Variants in NLRP8 observed in about 807,000 individuals in gnomAD.
NLRP8 encodes NLR family pyrin domain containing 8.
A neutral mutation model predicts 88.7 loss-of-function variants in NLRP8; 86 were observed. The ratio of observed to expected loss-of-function variants is 0.97; its 90% CI spans 0.81 to 1.16. The LOEUF (loss-of-function observed/expected upper bound fraction) is 1.16, where lower values mean the gene tolerates loss of function less well. Ranked by LOEUF, NLRP8 falls within the 50% of genes most tolerant of loss-of-function variation. NLRP8 has a pLI of 0.00. For synonymous variants in NLRP8, 504 were observed against 494.6 expected (o/e 1.02, Z -0.25); for missense variants, 1,342 against 1,286.5 (o/e 1.04, Z -0.66).
At position 55,955,768 on chromosome 19, in the gene NLRP8, C is replaced by T. The variant is rs764544002; in HGVS notation, c.1710C>T (p.Ala570=). ...TTCTGAACGAGGCCTGCGCTTCGGC[C>T]GTGGAACAGTCATTCCAATGCAAGG... is the stretch of plus-strand genomic sequence containing the variant. The change falls in exon 3 of 10, where the codon GCC becomes GCT. Residue 570 remains alanine, a synonymous_variant. Transcript: ENST00000291971. 5.1e-5 allele frequency: 83 copies of T among 1,614,028 alleles called. No homozygotes were observed. The highest frequency in any genetic ancestry group is 2.2e-4 in the South Asian group (20 of 91,082).
chr19:55,987,243 G>T (rs2123239523), intron 9 of NLRP8, among the ~76,000 whole-genome samples: 1 of 152,324 alleles, frequency 6.6e-6, no homozygotes, highest in Non-Finnish European at 1.5e-5. Flanking sequence ...GGTGGCATGT[G>T]CCTATAATCC....
chr19:55,973,716 A>T lies in NLRP8; in HGVS notation c.2599A>T (p.Lys867Ter), dbSNP rs770696736. ...CCTTGCCTCCTGTCTCAGGCAGAGT[A>T]AGATGCTGACCCACCTGAGCTTGGC... Residue 867 changes from lysine to a stop codon, truncating the protein, a stop_gained, in exon 7 of 10, where the codon AAG (lysine) becomes TAG (stop). Transcript: ENST00000291971. LOFTEE classifies it high-confidence loss of function. The T allele has an allele frequency of 1.2e-6, 2 of 1,614,040 alleles. No individual in the cohort carries two copies. Among genetic ancestry groups the T allele is most frequent in the Non-Finnish European group, 1.7e-6 (2 of 1,179,942 alleles).
intron 2 of NLRP8, among the ~76,000 whole-genome samples, chr19:55,952,973 C>G (rs1979164128): frequency 6.6e-6 from 1 of 152,048 alleles, no homozygotes; most frequent in Non-Finnish European, 1.5e-5. Flanking sequence ...GCTCAGCGGT[C>G]CCCAACCCCC....
In NLRP8 at chr19:55,979,321, C is replaced by T. The variant is rs186059617; in HGVS notation, c.2877-73C>T. 30 of 1,532,546 alleles carry T rather than the reference C, an allele frequency of 2.0e-5. 1 individual carries two copies. The highest frequency in any genetic ancestry group is 9.3e-5 in the South Asian group (8 of 85,926). The allele number at this position is 1,532,546 out of a possible 1,614,324, so 94.9% of individuals were successfully genotyped here. ...TCAGTGTGATTTCTTGGCTGTAAGC[C>T]GTCACACCGGCTGAGCTCTCAGATG... On this transcript the variant is annotated intron_variant, in intron 8 of 9. Coordinates refer to ENST00000291971, the MANE Select transcript of NLRP8 (RefSeq NM_176811.2).
At chr19:55,965,523 A>T (rs1979796936) in intron 4 of NLRP8, among the ~76,000 whole-genome samples, 1 of 152,142 alleles carries the variant, frequency 6.6e-6, no homozygotes, top group Non-Finnish European at 1.5e-5. Flanking sequence ...AACCAAAAGC[A>T]TGATTTTAGG....
intron 8 of NLRP8, among the ~76,000 whole-genome samples, chr19:55,976,853 G>A (rs1042263913): frequency 1.3e-5 from 2 of 150,668 alleles, no homozygotes; most frequent in African/African-American, 4.9e-5. Context: ...GCTGAGGTGG[G>A]GCGGATCATG....
intron 8 of NLRP8, among the ~76,000 whole-genome samples, chr19:55,978,343 C>A (rs1449823136): frequency 6.6e-6 from 1 of 152,062 alleles, no homozygotes; most frequent in East Asian, 1.9e-4. Context: ...GTGTAAAATT[C>A]ATGGACCCTA....
intron 9 of NLRP8, among the ~76,000 whole-genome samples, chr19:55,986,817 A>G (rs1453566556): frequency 6.6e-6 from 1 of 151,972 alleles, no homozygotes; most frequent in Non-Finnish European, 1.5e-5. Flanking sequence ...TGAGGTGTGA[A>G]GCTGGTGAGT....
In NLRP8 at chr19:55,987,929, T is replaced by C. The variant is rs1171904293; in HGVS notation, c.*16T>C. On this transcript the variant is annotated 3_prime_UTR_variant, in exon 10 of 10. Transcript: ENST00000291971. ...TAATCCTTAGGCCGTCCAGTCATCT[T>C]TCTCTGGGGCTTGATTGATCAGTTC... is the stretch of plus-strand genomic sequence containing the variant. The C allele has an allele frequency of 6.3e-7, 1 of 1,577,672 alleles. No homozygotes were observed. Among genetic ancestry groups the C allele is most frequent in the South Asian group, 1.1e-5 (1 of 90,314 alleles).
At chr19:55,949,112 CAG>C (rs1232381490) in intron 1 of NLRP8, among the ~76,000 whole-genome samples, 2 of 152,126 alleles carry the variant, frequency 1.3e-5, no homozygotes, top group Non-Finnish European at 2.9e-5. Context: ...TATTCTGAGA[CAG>C]AGAGAGACCA....
In NLRP8 at chr19:55,962,327, G is replaced by A. The variant is rs117272281; in HGVS notation, c.2213+90G>A. ...CTTCATTCCCTCTCCACTCACACTA[G>A]ACTTCCGGAAAGCACCCATGTCCAG... On this transcript the variant is annotated intron_variant, in intron 4 of 9. Transcript: ENST00000291971. 11,301 of 1,374,314 alleles carry A rather than the reference G, an allele frequency of 8.2e-3. 408 individuals are homozygous for A. Among genetic ancestry groups the A allele is most frequent in the Admixed American group, 0.079 (3,666 of 46,476 alleles). The allele number at this position is 1,374,314 out of a possible 1,614,324, so 85.1% of individuals were successfully genotyped here. A position where few individuals can be genotyped will look rare whatever the true frequency, so the allele number is the denominator to read the frequency against.
At chr19:55,984,995 C>A (rs1040536337) in intron 9 of NLRP8, among the ~76,000 whole-genome samples, 2 of 151,434 alleles carry the variant, frequency 1.3e-5, no homozygotes, top group African/African-American at 4.9e-5. Flanking sequence ...AATTTACAAG[C>A]AAATTCTAAA....
intron 4 of NLRP8, among the ~76,000 whole-genome samples, chr19:55,963,681 C>T (rs559195484): frequency 2.6e-5 from 4 of 152,194 alleles, no homozygotes; most frequent in Admixed American, 6.5e-5. Context: ...TCTCGAGTAG[C>T]TGGGGCCACA....
chr19:55,958,173 G>A (rs534334861), intron 3 of NLRP8, among the ~76,000 whole-genome samples: 16 of 152,222 alleles, frequency 1.1e-4, no homozygotes, highest in African/African-American at 2.6e-4. Context: ...AGGGGACATT[G>A]TCCTTCTGCT....
chr19:55,983,702 T>C (rs1161711654), intron 9 of NLRP8, among the ~76,000 whole-genome samples: 1 of 151,284 alleles, frequency 6.6e-6, no homozygotes, highest in East Asian at 1.9e-4. Flanking sequence ...GGATATCATG[T>C]GCCTGTGGAT....
intron 9 of NLRP8, among the ~76,000 whole-genome samples, chr19:55,986,328 ACTCT>A (rs113738356): frequency 0.054 from 8,186 of 150,666 alleles, 425 homozygotes; most frequent in East Asian, 0.29. Flanking sequence ...ACACACACAC[ACTCT>A]CTGTCTCACA....
At chr19:55,967,791 A>C (rs912309736) in intron 5 of NLRP8, among the ~76,000 whole-genome samples, 1 of 152,206 alleles carries the variant, frequency 6.6e-6, no homozygotes, top group African/African-American at 2.4e-5. Flanking sequence ...CCAGTTGTTA[A>C]ACAACGTTTT....
In NLRP8 at chr19:55,979,541, AAAG is replaced by A. The variant is rs1220992027; in HGVS notation, c.3029_3031del (p.Lys1010del). The A allele has an allele frequency of 6.2e-7, 1 of 1,614,228 alleles. No individual in the cohort carries two copies. The highest frequency in any genetic ancestry group is 1.7e-5 in the Admixed American group (1 of 60,024). ...CCTTGTGCGAGGCCTTCTCAAGCCA[AAAG>A]AAGAGAGAAGAGGTCATTTTGTAAG... On this transcript the variant is annotated inframe_deletion, in exon 9 of 10. Coordinates refer to ENST00000291971, the MANE Select transcript of NLRP8 (RefSeq NM_176811.2).
intron 9 of NLRP8, among the ~76,000 whole-genome samples, chr19:55,986,980 A>G (rs1378150802): frequency 2.0e-5 from 3 of 152,136 alleles, no homozygotes; most frequent in Middle Eastern, 6.8e-3. Context: ...AAGTCCAGTT[A>G]CCCCATTTTG....
Sources: gnomAD v4.1 joint callset for allele counts (sites outside exome capture counted in the v4.1 genomes callset) on GRCh38, gnomAD v4.1.1 for gene constraint, MANE v1.5 for transcripts, NCBI Gene and HGNC (gene_info 2026-07-23, HGNC 2026-07-21) for gene names.